The following DGKB variants were observed in gnomAD, a reference collection of about 807,000 sequenced individuals.
DGKB encodes diacylglycerol kinase beta.
A neutral mutation model predicts 114.3 loss-of-function variants in DGKB; 67 were observed. The ratio of observed to expected loss-of-function variants is 0.59; its 90% CI spans 0.48 to 0.72. The LOEUF (loss-of-function observed/expected upper bound fraction) is 0.72, where lower values mean the gene tolerates loss of function less well. Among genes scored for constraint, DGKB ranks in the 30% least tolerant of loss-of-function variants. DGKB has a pLI of 0.00. For missense variants in DGKB, 907 were observed against 975.2 expected (o/e 0.93, Z 0.93); for synonymous variants, 398 against 323.1 (o/e 1.23, Z -2.49).
chr7:14,532,573 T>C (rs1211703478), intron 20 of DGKB, among the ~76,000 whole-genome samples: 1 of 151,432 alleles, frequency 6.6e-6, no homozygotes, highest in Non-Finnish European at 1.5e-5. Flanking sequence ...AAACAGTGAA[T>C]ATATAAGAAA....
At chr7:14,864,180 T>C (rs1851387569) in intron 1 of DGKB, among the ~76,000 whole-genome samples, 2 of 152,304 alleles carry the variant, frequency 1.3e-5, no homozygotes, top group Middle Eastern at 3.4e-3. Flanking sequence ...GTATTTGTTA[T>C]TTTATAATTA....
intron 13 of DGKB, among the ~76,000 whole-genome samples, chr7:14,645,252 C>A (rs1004669278): frequency 2.0e-5 from 3 of 152,134 alleles, no homozygotes; most frequent in Non-Finnish European, 2.9e-5. Context: ...TACAATTCTA[C>A]TATATCTTAC....
chr7:14,680,133 CT>C (rs1200255867), intron 12 of DGKB, among the ~76,000 whole-genome samples: 3 of 150,888 alleles, frequency 2.0e-5, no homozygotes, highest in Non-Finnish European at 3.0e-5. Flanking sequence ...AGAGGGCAGC[CT>C]TTTTTTTTCT....
chr7:14,785,791 G>A (rs1839804004), intron 2 of DGKB, among the ~76,000 whole-genome samples: 1 of 151,766 alleles, frequency 6.6e-6, no homozygotes, highest in African/African-American at 2.4e-5. Context: ...AACACCACGT[G>A]AAATTAACCA....
intron 13 of DGKB, among the ~76,000 whole-genome samples, chr7:14,651,343 T>G (rs1040806536): frequency 6.6e-6 from 1 of 151,576 alleles, no homozygotes; most frequent in Non-Finnish European, 1.5e-5. Context: ...GCTGGTTCAA[T>G]ACACGCAAAT....
At chr7:14,611,815 G>T (rs963542931) in intron 16 of DGKB, among the ~76,000 whole-genome samples, 8 of 151,494 alleles carry the variant, frequency 5.3e-5, no homozygotes, top group Non-Finnish European at 1.2e-4. Context: ...ATCTTAATTG[G>T]AGAAAAATTA....
chr7:14,848,172 G>C (rs1277235979), intron 1 of DGKB, among the ~76,000 whole-genome samples: 1 of 152,168 alleles, frequency 6.6e-6, no homozygotes, highest in African/African-American at 2.4e-5. Flanking sequence ...AATATTGTGT[G>C]AGAGCTGGTG....
chr7:14,867,661 A>G (rs528564343), intron 1 of DGKB, among the ~76,000 whole-genome samples: 1 of 152,152 alleles, frequency 6.6e-6, no homozygotes, highest in Non-Finnish European at 1.5e-5. Flanking sequence ...TATAAATGTA[A>G]TTAACTCATA....
In DGKB at chr7:14,368,668, G is replaced by A. The variant is rs117481570; in HGVS notation, c.1836-23277C>T. On this transcript the variant is annotated intron_variant, in intron 21 of 25. Coordinates refer to ENST00000402815, the MANE Select transcript of DGKB (RefSeq NM_001350709.2). Reference sequence around the variant, plus strand: ...AAAGAGGTAACACAGAAAACACTACGACAAAGTTACTGAATACATGTGGGA... The same window carrying A: ...AAAGAGGTAACACAGAAAACACTACAACAAAGTTACTGAATACATGTGGGA... Among the ~76,000 whole-genome samples the A allele has an allele frequency of 5.1e-4, 77 of 151,904 alleles. No homozygotes were observed. In the East Asian group the frequency reaches 0.013, roughly 26 times the overall value.
chr7:14,923,726 G>A (rs1355141710), intron 1 of DGKB, among the ~76,000 whole-genome samples: 3 of 152,034 alleles, frequency 2.0e-5, no homozygotes, highest in Non-Finnish European at 4.4e-5. Flanking sequence ...CGGGCACGGT[G>A]GCACATGCCT....
chr7:14,970,121 A>G (rs1466144779), intron 1 of DGKB, among the ~76,000 whole-genome samples: 1 of 152,166 alleles, frequency 6.6e-6, no homozygotes, highest in Non-Finnish European at 1.5e-5. Context: ...ATTAATCCCA[A>G]TAAATTATAT....
chr7:14,595,471 G>A lies in DGKB; in HGVS notation c.1433+11963C>T, dbSNP rs374271712. Among the ~76,000 whole-genome samples the A allele has an allele frequency of 3.9e-5, 6 of 152,038 alleles. No homozygotes were observed. The East Asian group carries it at 7.7e-4, about 20-fold the overall frequency. On this transcript the variant is annotated intron_variant, in intron 17 of 25. Coordinates refer to ENST00000402815, the MANE Select transcript of DGKB (RefSeq NM_001350709.2). ...AATTTCCTCCTTATGATCTCTCTTTGATAAATAAGGAGCAGGAGAGTGAAT... is the reference window on the plus strand; with the variant it reads ...AATTTCCTCCTTATGATCTCTCTTTAATAAATAAGGAGCAGGAGAGTGAAT...
chr7:14,961,253 T>C (rs1023960726), intron 1 of DGKB, among the ~76,000 whole-genome samples: 1 of 152,184 alleles, frequency 6.6e-6, no homozygotes, highest in Non-Finnish European at 1.5e-5. Flanking sequence ...TTTATTTTTT[T>C]CCACATAATA....
intron 20 of DGKB, among the ~76,000 whole-genome samples, chr7:14,551,225 T>C (rs560065839): frequency 1.3e-5 from 2 of 152,228 alleles, no homozygotes; most frequent in Non-Finnish European, 2.9e-5. Flanking sequence ...TGGTAATATA[T>C]ATGTGTAGTA....
intron 23 of DGKB, among the ~76,000 whole-genome samples, chr7:14,248,470 C>T (rs1794777660): frequency 1.3e-5 from 2 of 151,982 alleles, no homozygotes; most frequent in African/African-American, 4.8e-5. Context: ...AATATTAATT[C>T]TTACGATTCA....
chr7:14,514,859 G>C (rs1788532340), intron 20 of DGKB, among the ~76,000 whole-genome samples: 1 of 151,972 alleles, frequency 6.6e-6, no homozygotes, highest in South Asian at 2.1e-4. Context: ...TTTAAGATCA[G>C]CCTGAGCAAC....
intron 4 of DGKB, among the ~76,000 whole-genome samples, chr7:14,740,844 G>A (rs1169855912): frequency 1.3e-5 from 2 of 152,180 alleles, no homozygotes; most frequent in Non-Finnish European, 2.9e-5. Context: ...ACACCCATGG[G>A]TGGCACCCTG....
intron 20 of DGKB, among the ~76,000 whole-genome samples, chr7:14,530,065 T>C (rs892433608): frequency 1.3e-5 from 2 of 151,696 alleles, no homozygotes; most frequent in Non-Finnish European, 3.0e-5. Context: ...CTGAAGTATT[T>C]CCTTTGATTG....
intron 21 of DGKB, among the ~76,000 whole-genome samples, chr7:14,467,592 A>G (rs766211678): frequency 1.3e-4 from 20 of 152,190 alleles, no homozygotes; most frequent in Admixed American, 5.2e-4. Context: ...CTGTTAATGC[A>G]GAAAATACAA....
Sources: allele counts gnomAD v4.1 joint callset (sites outside exome capture counted in the v4.1 genomes callset), GRCh38; gene constraint gnomAD v4.1.1; transcripts MANE v1.5; gene names NCBI Gene and HGNC (gene_info 2026-07-23, HGNC 2026-07-21).